CRB1: variants seen among roughly 807,000 people sequenced by gnomAD.
The protein encoded by CRB1 is protein crumbs homolog 1.
A neutral mutation model predicts 120.0 loss-of-function variants in CRB1; 83 were observed. The ratio of observed to expected loss-of-function variants is 0.69; its 90% CI spans 0.58 to 0.83. CRB1 has a LOEUF of 0.83. CRB1 is among the 40% of genes least tolerant of loss of function. The pLI, the probability that CRB1 is intolerant of heterozygous loss-of-function variation, is 0.00. For missense variants in CRB1, 1,699 were observed against 1,687.6 expected (o/e 1.01, Z -0.12); for synonymous variants, 625 against 612.5 (o/e 1.02, Z -0.30).
chr1:197,344,492 C>A lies in CRB1; in HGVS notation c.848+16C>A. 6.2e-7 allele frequency: 1 copy of A among 1,611,446 alleles called. No homozygotes were observed. The highest frequency in any genetic ancestry group is 8.5e-7 in the Non-Finnish European group (1 of 1,177,732). ...GAGAAAACAGGTACATTTTCTCTGG[C>A]GTTGGGTGATTGGCTTAGAACTCCC... On this transcript the variant is annotated intron_variant, in intron 3 of 11. Transcript: ENST00000367400.
chr1:197,344,396 G>A lies in CRB1; in HGVS notation c.768G>A (p.Gly256=). ...YFCDCAPGFL[G]DHCELNTDEC... ...GCGACTGTGCCCCTGGATTCCTGGGGGATCACTGTGAACTCAACACTGATG... is the reference window on the plus strand; with the variant it reads ...GCGACTGTGCCCCTGGATTCCTGGGAGATCACTGTGAACTCAACACTGATG... Residue 256 remains glycine, a synonymous_variant, in exon 3 of 12, where the codon GGG becomes GGA. Transcript: ENST00000367400. 1 of 1,614,062 alleles carries A rather than the reference G, an allele frequency of 6.2e-7. No homozygotes were observed. Among genetic ancestry groups the A allele is most frequent in the South Asian group, 1.1e-5 (1 of 91,076 alleles).
the CRB1 span, among the ~76,000 whole-genome samples, chr1:197,224,376 A>G: frequency 6.6e-6 from 1 of 152,196 alleles, no homozygotes; most frequent in Admixed American, 6.5e-5. Context: ...TTAAAGTTTT[A>G]TGGATAAACA....
rs114528437 is a variant in CRB1, at chr1:197,303,873, A to G, written c.71-24549A>G. 6.7e-3 allele frequency among the ~76,000 whole-genome samples: 1,028 copies of G among 152,314 alleles called. 8 individuals are homozygous for G. Among genetic ancestry groups the G allele is most frequent in the African/African-American group, 0.022 (929 of 41,582 alleles). ...AGTGTTGGTGTGTGCCTGTAGTTCC[A>G]GCTACTTGGGAGGCTGAGGCAGGAG... On this transcript the variant is annotated intron_variant, in intron 1 of 11. Coordinates refer to ENST00000367400, the MANE Select transcript of CRB1 (RefSeq NM_201253.3).
Position 197,471,164 on chromosome 1 carries a change from G to A in CRB1, c.4006-6500G>A, listed in dbSNP as rs768071630. ...TCCCAGGAAGCGTCTTCCAGGCTGC[G>A]GTTCCCTGGACGGTCCCATCTCAGC... On this transcript the variant is annotated intron_variant, in intron 11 of 11. Transcript: ENST00000367400. Among the ~76,000 whole-genome samples the A allele has an allele frequency of 3.9e-5, 6 of 152,152 alleles. No homozygotes were observed. The South Asian group carries it at 1.2e-3, about 32-fold the overall frequency.
intron 5 of CRB1, among the ~76,000 whole-genome samples, chr1:197,388,392 C>G (rs982835107): frequency 1.3e-5 from 2 of 151,982 alleles, no homozygotes; most frequent in African/African-American, 4.8e-5. Context: ...AAAAAAAACT[C>G]AATTTCACAG....
At chr1:197,259,342 G>T in the CRB1 span, among the ~76,000 whole-genome samples, 1 of 152,366 alleles carries the variant, frequency 6.6e-6, no homozygotes, top group South Asian at 2.1e-4. Context: ...GGGATACTAT[G>T]CAGGCATAAA....
At chr1:197,211,867 G>C in the CRB1 span, among the ~76,000 whole-genome samples, 2 of 151,612 alleles carry the variant, frequency 1.3e-5, no homozygotes, top group African/African-American at 4.8e-5. Context: ...ATTGGTGAAA[G>C]ACATTTGGCA....
chr1:197,300,769 A>G (rs1656817074), intron 1 of CRB1, among the ~76,000 whole-genome samples: 2 of 152,210 alleles, frequency 1.3e-5, no homozygotes, highest in Admixed American at 1.3e-4. Context: ...TTTCATAGCT[A>G]GAAAGAAGTT....
chr1:197,244,091 T>G, the CRB1 span, among the ~76,000 whole-genome samples: 1 of 152,204 alleles, frequency 6.6e-6, no homozygotes, highest in Non-Finnish European at 1.5e-5. Context: ...ATGTGTCTCC[T>G]GAATACAGCA....
chr1:197,255,136 T>C, the CRB1 span, among the ~76,000 whole-genome samples: 1 of 152,074 alleles, frequency 6.6e-6, no homozygotes, highest in South Asian at 2.1e-4. Flanking sequence ...AAATTCCTTT[T>C]GGGGAGTTAT....
chr1:197,456,436 T>A (rs1219777609), intron 11 of CRB1, among the ~76,000 whole-genome samples: 1 of 152,098 alleles, frequency 6.6e-6, no homozygotes, highest in Non-Finnish European at 1.5e-5. Flanking sequence ...GCCCCATAGT[T>A]ACTGAAATTA....
At chr1:197,466,215 G>A (rs1666743570) in intron 11 of CRB1, among the ~76,000 whole-genome samples, 1 of 152,146 alleles carries the variant, frequency 6.6e-6, no homozygotes, top group Admixed American at 6.5e-5. Context: ...CAGGTTGAAG[G>A]GACGATGCAT....
chr1:197,459,996 C>G (rs1016217969), intron 11 of CRB1, among the ~76,000 whole-genome samples: 15 of 104,188 alleles, frequency 1.4e-4, no homozygotes, highest in Non-Finnish European at 2.5e-4. Context: ...GCTTTAAGCC[C>G]CCCTCTTTTT....
chr1:197,234,752 T>C, the CRB1 span, among the ~76,000 whole-genome samples: 2 of 152,194 alleles, frequency 1.3e-5, no homozygotes, highest in African/African-American at 4.8e-5. Context: ...TCCAATAACA[T>C]AGGCTCCCAT....
intron 4 of CRB1, among the ~76,000 whole-genome samples, chr1:197,355,852 G>C (rs1298071713): frequency 6.6e-6 from 1 of 152,236 alleles, no homozygotes; most frequent in Non-Finnish European, 1.5e-5. Flanking sequence ...CAATGCAACG[G>C]TGGGCTGAAG....
At position 197,421,782 on chromosome 1, in the gene CRB1, C is replaced by T. The variant is rs1433345972; in HGVS notation, c.1954C>T (p.His652Tyr). Residue 652 changes from histidine to tyrosine, a missense_variant, in exon 6 of 12, where the codon CAC becomes TAC. His to Tyr is a moderately conservative substitution (Grantham distance 83). Coordinates refer to ENST00000367400, the MANE Select transcript of CRB1 (RefSeq NM_201253.3). Reference sequence around the variant, plus strand: ...CCAAGACATTAAAATTGATTGGAATCACATTACCCTGGAGAACATCTCGTC... The same window carrying T: ...CCAAGACATTAAAATTGATTGGAATTACATTACCCTGGAGAACATCTCGTC... The part of the protein sequence containing the change: ...CLQDIKIDWN[H>Y]ITLENISSGS... 1 of 1,614,184 alleles carries T rather than the reference C, an allele frequency of 6.2e-7. No individual in the cohort carries two copies.
chr1:197,393,036 A>G (rs1043507082), intron 5 of CRB1, among the ~76,000 whole-genome samples: 1 of 152,144 alleles, frequency 6.6e-6, no homozygotes, highest in Non-Finnish European at 1.5e-5. Context: ...AACAAAATAT[A>G]TACTACATAA....
rs1355298140 is a variant in CRB1 at position 197,427,792 on chromosome 1, A to C, written c.2467A>C (p.Lys823Gln). The change falls in exon 7 of 12, where the codon AAA (lysine) becomes CAA (glutamine). Residue 823 changes from lysine to glutamine, a missense_variant. Transcript: ENST00000367400. Reference protein sequence around the residue: ...NLGFISASTWKIEKGDVIYIG... With the variant: ...NLGFISASTWQIEKGDVIYIG... ...AGGATTTATTTCTGCTTCTACGTGGAAAATCGAAAAGGGAGATGTCATCTA... is the reference window on the plus strand; with the variant it reads ...AGGATTTATTTCTGCTTCTACGTGGCAAATCGAAAAGGGAGATGTCATCTA... 2 of 1,614,046 alleles carry C rather than the reference A, an allele frequency of 1.2e-6. 1 individual carries two copies. Among genetic ancestry groups the C allele is most frequent in the South Asian group, 2.2e-5 (2 of 91,078 alleles).
chr1:197,214,681 G>A, the CRB1 span, among the ~76,000 whole-genome samples: 1 of 152,106 alleles, frequency 6.6e-6, no homozygotes, highest in Admixed American at 6.5e-5. Context: ...AGTTGAATTA[G>A]TAATGAAAAA....
Sources: allele counts gnomAD v4.1 joint callset (sites outside exome capture counted in the v4.1 genomes callset), GRCh38; gene constraint gnomAD v4.1.1; transcripts MANE v1.5; gene names NCBI Gene and HGNC (gene_info 2026-07-23, HGNC 2026-07-21).